Variants in MTSS1 observed in about 807,000 individuals in gnomAD.
MTSS1 encodes protein MTSS 1.
In MTSS1, 18 loss-of-function variants were observed where a neutral mutation model predicts 79.0. The observed-to-expected ratio is 0.23, with a 90% CI of 0.16 to 0.34. The LOEUF (loss-of-function observed/expected upper bound fraction) is 0.34, where lower values mean the gene tolerates loss of function less well. MTSS1 is among the 10% of genes least tolerant of loss of function. The probability of loss-of-function intolerance (pLI) is 1.00; values close to 1 mark genes in which losing one functional copy is unlikely to be tolerated. For missense variants in MTSS1, 815 were observed against 986.2 expected, an observed-to-expected ratio of 0.83 and a Z score of 2.33; for synonymous variants, 341 against 368.6, an observed-to-expected ratio of 0.93 and a Z score of 0.86.
intron 3 of MTSS1, among the ~76,000 whole-genome samples, chr8:124,641,171 A>G (rs1817973775): frequency 6.6e-6 from 1 of 152,134 alleles, no homozygotes; most frequent in African/African-American, 2.4e-5. Context: ...CACAGCCCCC[A>G]GTGCCCTGAT....
intron 3 of MTSS1, among the ~76,000 whole-genome samples, chr8:124,601,029 A>G (rs533124513): frequency 5.3e-5 from 8 of 150,098 alleles, no homozygotes; most frequent in African/African-American, 2.0e-4. Context: ...AGCTTTTTAA[A>G]GTGACCTTGA....
intron 3 of MTSS1, among the ~76,000 whole-genome samples, chr8:124,600,332 T>G (rs148610046): frequency 7.0e-4 from 106 of 152,382 alleles, no homozygotes; most frequent in African/African-American, 2.4e-3. Flanking sequence ...GTTTTCACAT[T>G]CACACTGCAA....
At chr8:124,624,194 C>T (rs1454771957) in intron 3 of MTSS1, among the ~76,000 whole-genome samples, 3 of 152,174 alleles carry the variant, frequency 2.0e-5, no homozygotes, top group African/African-American at 4.8e-5. Flanking sequence ...GAAGACAGCC[C>T]CCGTCCTCAA....
intron 10 of MTSS1, chr8:124,558,808 C>T (rs768419427): frequency 6.4e-6 from 10 of 1,568,166 alleles, no homozygotes; most frequent in African/African-American, 2.7e-5. Context: ...TCCGAGGCTT[C>T]GGAGGAGGCC....
intron 3 of MTSS1, among the ~76,000 whole-genome samples, chr8:124,624,686 C>G (rs1003922331): frequency 6.6e-6 from 1 of 152,158 alleles, no homozygotes; most frequent in African/African-American, 2.4e-5. Flanking sequence ...TATCCCTGCA[C>G]CATGCCAGCC....
In MTSS1 at chr8:124,704,280, G is replaced by C; in HGVS notation, c.73-89C>G. The C allele has an allele frequency of 3.5e-6, 4 of 1,134,104 alleles. No individual in the cohort carries two copies. In the South Asian group the frequency reaches 4.9e-5, roughly 14 times the overall value. The allele number at this position is 1,134,104 out of a possible 1,614,324, so 70.3% of individuals were successfully genotyped here. A position where few individuals can be genotyped will look rare whatever the true frequency, so the allele number is the denominator to read the frequency against. On this transcript the variant is annotated intron_variant, in intron 1 of 13. Coordinates refer to ENST00000518547, the MANE Select transcript of MTSS1 (RefSeq NM_014751.6). ...GAGCACCCAATTCCAATCATGCAGG[G>C]AACAATCTGTGTATGTTCTCTTCCT...
In MTSS1 at chr8:124,582,293, A is replaced by G. The variant is rs1042721803; in HGVS notation, c.460+2794T>C. ...TGAAAGTTTCTTGAAGGAAATATTT[A>G]AACACCTTTAGATTACAAACCACCT... On this transcript the variant is annotated intron_variant, in intron 6 of 13. Transcript: ENST00000518547. The surrounding 1 kb of genome is among the most constrained non-coding windows in gnomAD (Gnocchi z 4.8). 6.6e-6 allele frequency among the ~76,000 whole-genome samples: 1 copy of G among 152,238 alleles called. No individual in the cohort carries two copies. Among genetic ancestry groups the G allele is most frequent in the African/African-American group, 2.4e-5 (1 of 41,462 alleles).
chr8:124,606,457 G>T (rs1027772423), intron 3 of MTSS1, among the ~76,000 whole-genome samples: 2 of 152,054 alleles, frequency 1.3e-5, no homozygotes, highest in Non-Finnish European at 2.9e-5. Context: ...CCAAAAGTAG[G>T]TATCATTATC....
intron 3 of MTSS1, among the ~76,000 whole-genome samples, chr8:124,612,834 T>G (rs1836128393): frequency 6.6e-6 from 1 of 152,110 alleles, no homozygotes; most frequent in Non-Finnish European, 1.5e-5. Flanking sequence ...TTTTCTTATT[T>G]TTTTTAGGTT....
At chr8:124,722,943 G>C (rs1428331869) in intron 1 of MTSS1, among the ~76,000 whole-genome samples, 1 of 152,158 alleles carries the variant, frequency 6.6e-6, no homozygotes, top group Non-Finnish European at 1.5e-5. Flanking sequence ...ACCCATGCCC[G>C]TGAAGATGGA....
chr8:124,673,584 G>A (rs2134728428), intron 3 of MTSS1: 1 of 152,210 alleles, frequency 6.6e-6, no homozygotes, highest in African/African-American at 2.4e-5. Flanking sequence ...GCTATTTTAA[G>A]CACCATGACT....
At chr8:124,572,597 C>T (rs562857402) in intron 6 of MTSS1, among the ~76,000 whole-genome samples, 2 of 152,128 alleles carry the variant, frequency 1.3e-5, no homozygotes, top group Admixed American at 1.3e-4. Flanking sequence ...ACTCCATCCT[C>T]GTCTCACCTC....
At position 124,589,724 on chromosome 8, in the gene MTSS1, G is replaced by T. The variant is rs548378539; in HGVS notation, c.294-13C>A. ...ATCAATTAAAGCGCTTTTACCAAGC[G>T]GGGGGGAAAAAGGGAGAAATTAAAT... On this transcript the variant is annotated splice_polypyrimidine_tract_variant and intron_variant, in intron 4 of 13. Transcript: ENST00000518547. 1.3e-6 allele frequency: 2 copies of T among 1,551,026 alleles called. No homozygotes were observed. Among genetic ancestry groups the T allele is most frequent in the Non-Finnish European group, 8.8e-7 (1 of 1,137,726 alleles).
chr8:124,570,122 C>T (rs1216136544), intron 6 of MTSS1, among the ~76,000 whole-genome samples: 1 of 152,110 alleles, frequency 6.6e-6, no homozygotes, highest in Admixed American at 6.5e-5. Flanking sequence ...AAAGCACATC[C>T]CAATAGAAAA....
chr8:124,708,864 A>G (rs1830747669), intron 1 of MTSS1, among the ~76,000 whole-genome samples: 1 of 152,190 alleles, frequency 6.6e-6, no homozygotes, highest in East Asian at 1.9e-4. Context: ...TATATAATTT[A>G]ATAGATTCTA....
intron 1 of MTSS1, among the ~76,000 whole-genome samples, chr8:124,704,791 C>T (rs1006222564): frequency 1.3e-5 from 2 of 152,312 alleles, no homozygotes; most frequent in South Asian, 2.1e-4. Flanking sequence ...CCACCCTGTC[C>T]TTGATGTTCA....
intron 12 of MTSS1, 75 bp from the exon 13 acceptor site, chr8:124,555,979 G>T (rs755741815): frequency 1.3e-6 from 2 of 1,573,648 alleles, no homozygotes; most frequent in South Asian, 2.3e-5. Context: ...CTGCCCCCGT[G>T]AGCACTACAT....
At chr8:124,600,705 T>C (rs1245603544) in intron 3 of MTSS1, among the ~76,000 whole-genome samples, 1 of 152,120 alleles carries the variant, frequency 6.6e-6, no homozygotes, top group East Asian at 1.9e-4. Flanking sequence ...ACATCTAATA[T>C]CCACTTTCTC....
intron 3 of MTSS1, among the ~76,000 whole-genome samples, chr8:124,638,926 G>A (rs559782592): frequency 1.3e-5 from 2 of 152,286 alleles, no homozygotes; most frequent in Admixed American, 6.5e-5. Flanking sequence ...CTAACTGGGC[G>A]GGCCAGTTTG....
Sources: allele counts gnomAD v4.1 joint callset (sites outside exome capture counted in the v4.1 genomes callset), GRCh38; gene constraint gnomAD v4.1.1; non-coding constraint Gnocchi (gnomAD v3.1); transcripts MANE v1.5; gene names NCBI Gene and HGNC (gene_info 2026-07-23, HGNC 2026-07-21).